Variants in ACKR2 observed in about 807,000 individuals in gnomAD.
ACKR2 encodes atypical chemokine receptor 2, also known as C-C chemokine receptor D6.
For missense variants in ACKR2, 457 were observed against 477.3 expected (o/e 0.96, Z 0.40); for synonymous variants, 207 against 192.2 (o/e 1.08, Z -0.64).
chr3:42,842,841 G>C (rs1459436589), intron 2 of ACKR2, among the ~76,000 whole-genome samples: 1 of 151,776 alleles, frequency 6.6e-6, no homozygotes, highest in Non-Finnish European at 1.5e-5. Context: ...AAATTAGCCA[G>C]GTGTGGTGGT....
At chr3:42,844,334 CAGGAGAAACTCG>C (rs544190862) in intron 2 of ACKR2, among the ~76,000 whole-genome samples, 1 of 152,202 alleles carries the variant, frequency 6.6e-6, no homozygotes, top group South Asian at 2.1e-4. Flanking sequence ...CTTAATCCCC[CAGGAGAAACTCG>C]GGGAGACAGT....
chr3:42,817,984 CCTT>C (rs1379061971), intron 1 of ACKR2, among the ~76,000 whole-genome samples: 3 of 152,176 alleles, frequency 2.0e-5, no homozygotes, highest in Admixed American at 2.0e-4. Context: ...TGCTCTCTTT[CCTT>C]CTTACTCTCT....
At chr3:42,860,530 T>C (rs9824772) in intron 2 of ACKR2, among the ~76,000 whole-genome samples, 59,989 of 152,002 alleles carry the variant, frequency 0.39, 12,485 homozygotes, top group East Asian at 0.69. Flanking sequence ...CTCTCCACCC[T>C]AAATCAACAG....
chr3:42,830,757 G>T (rs549631977), intron 2 of ACKR2, among the ~76,000 whole-genome samples: 1 of 151,852 alleles, frequency 6.6e-6, no homozygotes, highest in African/African-American at 2.4e-5. Flanking sequence ...ATCTGCTGGG[G>T]TGTTGGTTGG....
intron 2 of ACKR2, among the ~76,000 whole-genome samples, chr3:42,837,321 A>G (rs1700995681): frequency 6.6e-6 from 1 of 151,914 alleles, no homozygotes; most frequent in African/African-American, 2.4e-5. Context: ...GGCTCAAGTG[A>G]TCCTCCCACC....
chr3:42,856,401 C>CATG (rs1423713834), intron 2 of ACKR2: 2 of 702,740 alleles, frequency 2.8e-6, no homozygotes, highest in Admixed American at 4.0e-5. Flanking sequence ...TTCCATCAGC[C>CATG]ATGAGATCAT....
chr3:42,841,169 A>G (rs1407014191), intron 2 of ACKR2, among the ~76,000 whole-genome samples: 1 of 152,226 alleles, frequency 6.6e-6, no homozygotes, highest in Admixed American at 6.5e-5. Flanking sequence ...CAAGTTTTAA[A>G]AAAATTATAG....
rs1467032395 is a variant in ACKR2 at position 42,843,052 on chromosome 3, ATTTATTTATT to A, written c.-37-21412_-37-21403del. ...TGTCTAGCTATTTATTTATTTATTT[ATTTATTTATT>A]TATTTATTTATTATTCATTATTTTT... On this transcript the variant is annotated intron_variant, in intron 2 of 2. Transcript: ENST00000422265. Among the ~76,000 whole-genome samples, 1,176 of 147,998 alleles carry A rather than the reference ATTTATTTATT, an allele frequency of 7.9e-3. 19 individuals carry two copies. Among genetic ancestry groups the A allele is most frequent in the East Asian group, 0.05 (249 of 5,006 alleles).
intron 2 of ACKR2, among the ~76,000 whole-genome samples, chr3:42,828,652 C>T (rs970588330): frequency 7.9e-5 from 12 of 152,104 alleles, no homozygotes; most frequent in Non-Finnish European, 1.2e-4. Flanking sequence ...TTTGGAGCGG[C>T]GAATTTATCT....
chr3:42,832,724 C>T (rs1700943297), intron 2 of ACKR2, among the ~76,000 whole-genome samples: 1 of 152,044 alleles, frequency 6.6e-6, no homozygotes, highest in African/African-American at 2.4e-5. Context: ...GAGACAGAGT[C>T]TCACTGTCGA....
chr3:42,853,304 C>A (rs1701183132), intron 2 of ACKR2, among the ~76,000 whole-genome samples: 1 of 152,150 alleles, frequency 6.6e-6, no homozygotes, highest in South Asian at 2.1e-4. Flanking sequence ...TCCTTGGGCA[C>A]TTTACTCCCC....
chr3:42,850,865 AT>A (rs1408516570), intron 2 of ACKR2: 1 of 152,434 alleles, frequency 6.6e-6, no homozygotes, highest in Non-Finnish European at 1.5e-5. Flanking sequence ...AGGGAAGATG[AT>A]TTGGAAAGTC....
At chr3:42,848,913 A>G (rs554781441) in intron 2 of ACKR2, among the ~76,000 whole-genome samples, 1 of 152,354 alleles carries the variant, frequency 6.6e-6, no homozygotes, top group African/African-American at 2.4e-5. Flanking sequence ...AATCCTGAAG[A>G]AACACCACAC....
chr3:42,862,755 G>A (rs1257032667), intron 2 of ACKR2, among the ~76,000 whole-genome samples: 2 of 152,118 alleles, frequency 1.3e-5, no homozygotes, highest in African/African-American at 4.8e-5. Context: ...AACAAGCAAT[G>A]GGGAAAGGAT....
At chr3:42,832,786 T>C (rs1425067615) in intron 2 of ACKR2, among the ~76,000 whole-genome samples, 1 of 152,152 alleles carries the variant, frequency 6.6e-6, no homozygotes, top group Non-Finnish European at 1.5e-5. Context: ...CTCAACTTCC[T>C]AGGCTCAAGC....
At chr3:42,842,030 C>T (rs1207993552) in intron 2 of ACKR2, among the ~76,000 whole-genome samples, 1 of 152,104 alleles carries the variant, frequency 6.6e-6, no homozygotes, top group Non-Finnish European at 1.5e-5. Flanking sequence ...TGGAAATGAC[C>T]CTACCGCTTC....
intron 1 of ACKR2, among the ~76,000 whole-genome samples, chr3:42,810,630 C>T (rs531514850): frequency 6.6e-6 from 1 of 152,102 alleles, no homozygotes; most frequent in South Asian, 2.1e-4. Flanking sequence ...TTTAGCCAAC[C>T]AAAATTAGTT....
chr3:42,826,783 T>G (rs1575378286), intron 2 of ACKR2, among the ~76,000 whole-genome samples: 1 of 152,276 alleles, frequency 6.6e-6, no homozygotes, highest in Admixed American at 6.5e-5. Flanking sequence ...TTCAGTTTAG[T>G]TTGCCCTTCT....
chr3:42,845,657 C>A lies in ACKR2; in HGVS notation c.-37-18809C>A, dbSNP rs143705145. ...TTTAAAAAACGTAATAGTGCCTTAACCCCTAGGGAAACCCTGGCCCCACCC... is the reference window on the plus strand; with the variant it reads ...TTTAAAAAACGTAATAGTGCCTTAAACCCTAGGGAAACCCTGGCCCCACCC... On this transcript the variant is annotated intron_variant, in intron 2 of 2. Coordinates refer to ENST00000422265, the MANE Select transcript of ACKR2 (RefSeq NM_001296.5). Among the ~76,000 whole-genome samples, 850 of 152,080 alleles carry A rather than the reference C, an allele frequency of 5.6e-3. 4 individuals carry two copies. Among genetic ancestry groups the A allele is most frequent in the Non-Finnish European group, 9.4e-3 (637 of 67,968 alleles).
Sources: gnomAD v4.1 joint callset for allele counts (sites outside exome capture counted in the v4.1 genomes callset) on GRCh38, gnomAD v4.1.1 for gene constraint, MANE v1.5 for transcripts, NCBI Gene and HGNC (gene_info 2026-07-23, HGNC 2026-07-21) for gene names.